Variants in MME observed in about 807,000 individuals in gnomAD.
MME encodes the protein neprilysin.
MME carries 98 observed loss-of-function variants against 113.2 expected under a neutral mutation model. The ratio of observed to expected loss-of-function variants is 0.87; its 90% CI spans 0.74 to 1.02. The LOEUF (loss-of-function observed/expected upper bound fraction) is 1.02. Ranked by LOEUF, MME falls within the 50% of genes least tolerant of loss-of-function variation. The pLI is 0.00. For synonymous variants in MME, 292 were observed against 300.6 expected, an observed-to-expected ratio of 0.97 and a Z score of 0.30; for missense variants, 836 against 896.0, an observed-to-expected ratio of 0.93 and a Z score of 0.86.
At chr3:155,089,285 T>A (rs1716065931) in intron 3 of MME, among the ~76,000 whole-genome samples, 3 of 152,204 alleles carry the variant, frequency 2.0e-5, no homozygotes, top group Admixed American at 2.0e-4. Flanking sequence ...TTTGCAGACT[T>A]TTCCGTGTAA....
intron 1 of MME, among the ~76,000 whole-genome samples, chr3:155,032,012 A>G (rs1712990480): frequency 6.6e-6 from 1 of 152,184 alleles, no homozygotes; most frequent in Admixed American, 6.5e-5. Flanking sequence ...GCTATTTCCA[A>G]GGTACCCCAT....
At chr3:155,057,467 G>A (rs918952649) in intron 1 of MME, among the ~76,000 whole-genome samples, 1 of 151,896 alleles carries the variant, frequency 6.6e-6, no homozygotes, top group Non-Finnish European at 1.5e-5. Flanking sequence ...GAGAGGATGT[G>A]GAGAAATAGC....
chr3:155,024,789 A>G lies in MME; in HGVS notation c.-11+465A>G, dbSNP rs576156261. ...AGATACATTTCCTATAAAGGTGCATACTTATGTGCACATAAAATTATATAT... is the reference window on the plus strand; with the variant it reads ...AGATACATTTCCTATAAAGGTGCATGCTTATGTGCACATAAAATTATATAT... On this transcript the variant is annotated intron_variant, in intron 1 of 22. Transcript: ENST00000492661. Among the ~76,000 whole-genome samples the G allele has an allele frequency of 3.0e-4, 45 of 152,316 alleles. 1 individual carries two copies. In the South Asian group the frequency reaches 5.8e-3, roughly 20 times the overall value.
rs1446868954 is a variant in MME at position 155,084,442 on chromosome 3, CAA to C, written c.160+117_160+118del. The stretch of plus-strand genomic sequence containing the variant: ...AAGGATAGAGGCACTTAAAGACTGA[CAA>C]AGAGATTCATTTATAAAATGTAACA... On this transcript the variant is annotated intron_variant, in intron 2 of 22. Coordinates refer to ENST00000360490, the MANE Select transcript of MME (RefSeq NM_007289.4). 34 of 990,444 alleles carry C rather than the reference CAA, an allele frequency of 3.4e-5. No homozygotes were observed. In the African/African-American group the frequency reaches 5.3e-4, roughly 15 times the overall value. 61.4% of individuals were successfully genotyped at this position (990,444 alleles called of 1,614,324 possible).
chr3:155,171,118 G>T (rs1711893199), intron 20 of MME, among the ~76,000 whole-genome samples: 1 of 152,168 alleles, frequency 6.6e-6, no homozygotes, highest in Non-Finnish European at 1.5e-5. Flanking sequence ...GGGATTGATA[G>T]TACTCCCATG....
intron 22 of MME, among the ~76,000 whole-genome samples, chr3:155,178,716 A>G (rs936151041): frequency 2.0e-5 from 3 of 152,180 alleles, no homozygotes; most frequent in African/African-American, 7.2e-5. Flanking sequence ...ATTTGCATAT[A>G]ACCTATACAC....
chr3:155,143,582 C>G lies in MME; in HGVS notation c.1317+11C>G. The G allele has an allele frequency of 1.2e-6, 2 of 1,610,354 alleles. No homozygotes were observed. The highest frequency in any genetic ancestry group is 1.7e-5 in the Admixed American group (1 of 59,888). On this transcript the variant is annotated intron_variant, in intron 13 of 22. Transcript: ENST00000360490. ...GAGAGTAAACATGTGGTAATGTTTT[C>G]AGAATAATACACTGTCAGTTATACA... is the stretch of plus-strand genomic sequence containing the variant.
At chr3:155,144,255 T>C in intron 13 of MME, 104 bp from the exon 14 acceptor site, 1 of 786,576 alleles carries the variant, frequency 1.3e-6, no homozygotes, top group Non-Finnish European at 2.2e-6. Flanking sequence ...TTACGTTTAT[T>C]AACATATTAA....
rs1431961765 is a variant in MME, at chr3:155,172,099, A to AT, written c.1981-14dup. ...TAGGAATTAATATTATTGTTTTTCT[A>AT]TTTTATCAACTGCCTAGGCCTATCA... is the stretch of plus-strand genomic sequence containing the variant. On this transcript the variant is annotated splice_polypyrimidine_tract_variant and intron_variant, in intron 20 of 22. Coordinates refer to ENST00000360490, the MANE Select transcript of MME (RefSeq NM_007289.4). The AT allele has an allele frequency of 2.2e-5, 32 of 1,433,318 alleles. No individual in the cohort carries two copies. The highest frequency in any genetic ancestry group is 3.0e-5 in the Non-Finnish European group (30 of 1,016,438). 88.8% of individuals were successfully genotyped at this position (1,433,318 alleles called of 1,614,324 possible).
intron 16 of MME, among the ~76,000 whole-genome samples, chr3:155,159,256 C>G (rs1722536841): frequency 6.6e-6 from 1 of 152,064 alleles, no homozygotes; most frequent in South Asian, 2.1e-4. Flanking sequence ...AGAAACAGTT[C>G]TGATGTAACC....
chr3:155,059,771 A>G (rs1002998226), intron 1 of MME, among the ~76,000 whole-genome samples: 2 of 152,228 alleles, frequency 1.3e-5, no homozygotes, highest in African/African-American at 4.8e-5. Flanking sequence ...GATTAATAGT[A>G]TAAGAACTAT....
At chr3:155,104,098 A>G (rs1377018596) in intron 3 of MME, among the ~76,000 whole-genome samples, 1 of 152,198 alleles carries the variant, frequency 6.6e-6, no homozygotes, top group African/African-American at 2.4e-5. Flanking sequence ...TTATAAAAGA[A>G]ATGGTCTTGT....
rs146255931 is a variant in MME at position 155,149,127 on chromosome 3, T to C, written c.1601+474T>C. On this transcript the variant is annotated intron_variant, in intron 16 of 22. Coordinates refer to ENST00000360490, the MANE Select transcript of MME (RefSeq NM_007289.4). ...AACCCTGTGGTAGTCAAATAGGAGA[T>C]ACTAGGAACCATTCTTATTCACAGT... 5.9e-3 allele frequency among the ~76,000 whole-genome samples: 900 copies of C among 152,284 alleles called. 4 individuals are homozygous for C. The highest frequency in any genetic ancestry group is 0.021 in the African/African-American group (856 of 41,580).
chr3:155,061,399 C>G (rs910058222), intron 1 of MME, among the ~76,000 whole-genome samples: 1 of 143,680 alleles, frequency 7.0e-6, no homozygotes, highest in African/African-American at 2.6e-5. Flanking sequence ...TGCAGTGAGC[C>G]GAGATGGCGC....
chr3:155,038,468 G>A lies in MME; in HGVS notation c.-11+14144G>A, dbSNP rs1713200557. 2.0e-5 allele frequency among the ~76,000 whole-genome samples: 3 copies of A among 152,142 alleles called. No homozygotes were observed. The South Asian group carries it at 6.2e-4, about 31-fold the overall frequency. On this transcript the variant is annotated intron_variant, in intron 1 of 22. Coordinates refer to the MME transcript ENST00000492661. Reference sequence around the variant, plus strand: ...CTGTCTCTTCCAAGAACCTTTCATAGAAAGGTACACCTCAAACTTTGATTA... The same window carrying A: ...CTGTCTCTTCCAAGAACCTTTCATAAAAAGGTACACCTCAAACTTTGATTA...
At chr3:155,028,717 C>A (rs1488692679) in intron 1 of MME, among the ~76,000 whole-genome samples, 1 of 152,092 alleles carries the variant, frequency 6.6e-6, no homozygotes, top group Non-Finnish European at 1.5e-5. Flanking sequence ...TTTTTGGTAG[C>A]ATTACATCTT....
intron 3 of MME, among the ~76,000 whole-genome samples, chr3:155,107,587 C>G (rs1481270352): frequency 1.3e-5 from 2 of 152,028 alleles, no homozygotes; most frequent in Non-Finnish European, 2.9e-5. Context: ...CAAAAAGACC[C>G]AAAGAAAAGA....
intron 22 of MME, among the ~76,000 whole-genome samples, chr3:155,177,186 A>G (rs903714777): frequency 4.6e-5 from 7 of 152,206 alleles, no homozygotes; most frequent in African/African-American, 1.7e-4. Flanking sequence ...TTGTTCCCAT[A>G]TGATAAAATC....
At chr3:155,174,695 G>T (rs976746575) in intron 22 of MME, among the ~76,000 whole-genome samples, 2 of 152,006 alleles carry the variant, frequency 1.3e-5, no homozygotes, top group Non-Finnish European at 2.9e-5. Context: ...ATACAAAGCT[G>T]CATCATAAAA....
Sources: gnomAD v4.1 joint callset for allele counts (sites outside exome capture counted in the v4.1 genomes callset) on GRCh38, gnomAD v4.1.1 for gene constraint, MANE v1.5 for transcripts, NCBI Gene and HGNC (gene_info 2026-07-23, HGNC 2026-07-21) for gene names.